GALNT13: variants seen among roughly 807,000 people sequenced by gnomAD.
GALNT13 encodes UDP-GalNAc:polypeptide N-acetylgalactosaminyltransferase 13.
In GALNT13, 28 loss-of-function variants were observed where a neutral mutation model predicts 64.2. The ratio of observed to expected loss-of-function variants is 0.44; its 90% CI spans 0.32 to 0.60. The LOEUF is 0.60. Ranked by LOEUF, GALNT13 falls within the 20% of genes least tolerant of loss-of-function variation. The pLI is 0.05. For synonymous variants in GALNT13, 214 were observed against 224.6 expected (o/e 0.95, Z 0.42); for missense variants, 577 against 669.8 (o/e 0.86, Z 1.53).
intron 8 of GALNT13, among the ~76,000 whole-genome samples, chr2:154,265,480 C>T (rs1690940898): frequency 6.6e-6 from 1 of 152,072 alleles, no homozygotes; most frequent in Non-Finnish European, 1.5e-5. Flanking sequence ...GGGCAGATCA[C>T]CTGAGGTCAG....
At chr2:154,276,175 C>CTTTTCTTTTCTTTTCTTTG (rs1691640989) in intron 8 of GALNT13, among the ~76,000 whole-genome samples, 1 of 151,648 alleles carries the variant, frequency 6.6e-6, no homozygotes, top group East Asian at 1.9e-4. Context: ...ATTGTGGATG[C>CTTTTCTTTTCTTTTCTTTG]TTTTCTTTTC....
rs10624007 is a variant in GALNT13, at chr2:154,237,518, T to TTATATATATATATATATATA, written c.312-4493_312-4492insATATATATATATATATATAT. The stretch of plus-strand genomic sequence containing the variant: ...CAGTGAGTTAAAAACTCTGCCAGCT[T>TTATATATATATATATATATA]TATATATATATATATATATGTAATA... On this transcript the variant is annotated intron_variant, in intron 4 of 12. Transcript: ENST00000392825. Among the ~76,000 whole-genome samples, 47 of 142,778 alleles carry TTATATATATATATATATATA rather than the reference T, an allele frequency of 3.3e-4. 1 individual carries two copies. The highest frequency in any genetic ancestry group is 4.9e-4 in the Non-Finnish European group (32 of 65,364). 93.7% of individuals were successfully genotyped at this position (142,778 alleles called of 152,430 possible). A position where few individuals can be genotyped will look rare whatever the true frequency, so the allele number is the denominator to read the frequency against.
At chr2:153,196,082 C>T in the GALNT13 span, among the ~76,000 whole-genome samples, 110 of 152,304 alleles carry the variant, frequency 7.2e-4, no homozygotes, top group African/African-American at 2.6e-3. Context: ...ACTGACTGGT[C>T]CTTGGGCCAC....
chr2:153,107,382 T>G, the GALNT13 span, among the ~76,000 whole-genome samples: 2 of 152,158 alleles, frequency 1.3e-5, no homozygotes, highest in Non-Finnish European at 2.9e-5. Flanking sequence ...TTTCCAGGCT[T>G]TTCTCTAGAT....
chr2:154,269,926 T>TA (rs1356571076), intron 8 of GALNT13, among the ~76,000 whole-genome samples: 3 of 33,344 alleles, frequency 9.0e-5, no homozygotes, highest in African/African-American at 2.4e-4. Context: ...ATATATATAT[T>TA]TCTAAAGCAC....
the GALNT13 span, among the ~76,000 whole-genome samples, chr2:153,410,801 C>T: frequency 6.6e-6 from 1 of 151,562 alleles, no homozygotes; most frequent in Non-Finnish European, 1.5e-5. Flanking sequence ...ATAGTGTTAG[C>T]ACTAGAGATA....
intron 4 of GALNT13, among the ~76,000 whole-genome samples, chr2:154,200,731 A>T (rs1286212103): frequency 6.6e-6 from 1 of 152,110 alleles, no homozygotes; most frequent in Admixed American, 6.6e-5. Context: ...CTCATACCTG[A>T]TCACCTCTTA....
chr2:153,574,821 C>G, the GALNT13 span, among the ~76,000 whole-genome samples: 1 of 151,682 alleles, frequency 6.6e-6, no homozygotes, highest in South Asian at 2.1e-4. Context: ...TATTTTGAAG[C>G]CTCTGTCTGA....
At chr2:153,641,252 A>G in the GALNT13 span, among the ~76,000 whole-genome samples, 3 of 152,158 alleles carry the variant, frequency 2.0e-5, no homozygotes, top group South Asian at 2.1e-4. Flanking sequence ...CCTCTTGTTC[A>G]TGATACCACA....
At chr2:153,744,108 G>A in the GALNT13 span, among the ~76,000 whole-genome samples, 2 of 151,978 alleles carry the variant, frequency 1.3e-5, no homozygotes, top group African/African-American at 4.8e-5. Flanking sequence ...TCCATAACTT[G>A]GTTATTTTGA....
the GALNT13 span, among the ~76,000 whole-genome samples, chr2:153,249,599 A>T: frequency 6.6e-6 from 1 of 152,356 alleles, no homozygotes; most frequent in African/African-American, 2.4e-5. Flanking sequence ...ACAAAACTGG[A>T]GGCATCATAC....
chr2:153,671,559 C>T, the GALNT13 span, among the ~76,000 whole-genome samples: 2 of 152,160 alleles, frequency 1.3e-5, no homozygotes, highest in Non-Finnish European at 2.9e-5. Context: ...AAGCACTAAA[C>T]ATGGAAAGGA....
At chr2:153,907,064 A>C (rs1688615057) in intron 2 of GALNT13, among the ~76,000 whole-genome samples, 1 of 152,000 alleles carries the variant, frequency 6.6e-6, no homozygotes, top group Non-Finnish European at 1.5e-5. Flanking sequence ...GTGTCTGTTC[A>C]TATCCTTTGC....
chr2:153,649,925 A>T, the GALNT13 span, among the ~76,000 whole-genome samples: 1 of 152,112 alleles, frequency 6.6e-6, no homozygotes. Context: ...GTAGTGTTGA[A>T]AAGAATGTAT....
the GALNT13 span, among the ~76,000 whole-genome samples, chr2:153,213,740 T>C: frequency 6.6e-6 from 1 of 152,164 alleles, no homozygotes; most frequent in Non-Finnish European, 1.5e-5. Flanking sequence ...CATTCCTTCA[T>C]CTCTAAAATG....
chr2:153,215,189 T>C, the GALNT13 span, among the ~76,000 whole-genome samples: 1 of 151,988 alleles, frequency 6.6e-6, no homozygotes, highest in African/African-American at 2.4e-5. Context: ...TAGTAAAAAG[T>C]CCCCCTCCAG....
chr2:154,150,445 A>C (rs1683923124), intron 4 of GALNT13, among the ~76,000 whole-genome samples: 1 of 152,392 alleles, frequency 6.6e-6, no homozygotes, highest in South Asian at 2.1e-4. Context: ...TGGCCTCATA[A>C]AATGAGTTAG....
At chr2:153,716,975 G>T in the GALNT13 span, among the ~76,000 whole-genome samples, 3 of 151,834 alleles carry the variant, frequency 2.0e-5, no homozygotes, top group Non-Finnish European at 4.4e-5. Flanking sequence ...TCTAAACAAT[G>T]TTAGTTTGCC....
At chr2:153,365,338 C>T in the GALNT13 span, among the ~76,000 whole-genome samples, 1 of 152,144 alleles carries the variant, frequency 6.6e-6, no homozygotes, top group Non-Finnish European at 1.5e-5. Flanking sequence ...TGGGCAAAGA[C>T]TTCATGAGTA....
Sources: allele counts gnomAD v4.1 joint callset (sites outside exome capture counted in the v4.1 genomes callset), GRCh38; gene constraint gnomAD v4.1.1; transcripts MANE v1.5; gene names NCBI Gene and HGNC (gene_info 2026-07-23, HGNC 2026-07-21).